Variants in ROR1 observed in about 807,000 individuals in gnomAD.
ROR1 encodes the protein ROR family WNT receptor 1.
In ROR1, 19 loss-of-function variants were observed where a neutral mutation model predicts 78.8. The observed-to-expected ratio is 0.24, with a 90% CI of 0.17 to 0.35. The LOEUF (loss-of-function observed/expected upper bound fraction) is 0.35. Among genes scored for constraint, ROR1 ranks in the 10% least tolerant of loss-of-function variants. The pLI is 1.00. For synonymous variants in ROR1, 386 were observed against 433.6 expected (o/e 0.89, Z 1.36); for missense variants, 917 against 1,177.8 (o/e 0.78, Z 3.24).
chr1:63,957,550 G>T (rs1209663595), intron 1 of ROR1, among the ~76,000 whole-genome samples: 1 of 152,120 alleles, frequency 6.6e-6, no homozygotes, highest in African/African-American at 2.4e-5. Flanking sequence ...TTCCCTGAGG[G>T]AGTGGGAGAG....
At chr1:63,926,496 T>A (rs1645705468) in intron 1 of ROR1, among the ~76,000 whole-genome samples, 2 of 151,794 alleles carry the variant, frequency 1.3e-5, no homozygotes, top group South Asian at 4.2e-4. Flanking sequence ...ATGCGGGCTC[T>A]TTTTTGGTTC....
intron 2 of ROR1, among the ~76,000 whole-genome samples, chr1:64,014,589 T>C (rs904713060): frequency 1.4e-5 from 2 of 148,092 alleles, no homozygotes; most frequent in Non-Finnish European, 3.0e-5. Flanking sequence ...AGCCAAATGT[T>C]TCTTTTGGAG....
At chr1:64,116,679 T>C (rs1648326622) in intron 4 of ROR1, among the ~76,000 whole-genome samples, 1 of 152,178 alleles carries the variant, frequency 6.6e-6, no homozygotes, top group African/African-American at 2.4e-5. Flanking sequence ...AAGGGCGTTT[T>C]AAATGTATAA....
chr1:63,972,380 T>G (rs542746448), intron 1 of ROR1, among the ~76,000 whole-genome samples: 1 of 152,164 alleles, frequency 6.6e-6, no homozygotes, highest in Non-Finnish European at 1.5e-5. Context: ...TTGGTGCATT[T>G]TTTCTCTGCC....
At chr1:64,071,516 G>C (rs1483460716) in intron 4 of ROR1, among the ~76,000 whole-genome samples, 1 of 151,936 alleles carries the variant, frequency 6.6e-6, no homozygotes, top group African/African-American at 2.4e-5. Context: ...TAACTGCTTA[G>C]AACAGAGGCG....
At chr1:64,054,527 C>T (rs916326890) in intron 4 of ROR1, among the ~76,000 whole-genome samples, 3 of 152,048 alleles carry the variant, frequency 2.0e-5, no homozygotes, top group Admixed American at 6.6e-5. Flanking sequence ...CAATAAAATT[C>T]CTAAAGTGAT....
At position 63,786,256 on chromosome 1, in the gene ROR1, ATTTTTTTTTTTTT is replaced by A. The variant is rs34933492; in HGVS notation, c.91+11770_91+11782del. Among the ~76,000 whole-genome samples the A allele has an allele frequency of 4.4e-4, 30 of 67,510 alleles. 1 individual carries two copies. Among genetic ancestry groups the A allele is most frequent in the East Asian group, 2.2e-3 (4 of 1,858 alleles). 44.3% of individuals were successfully genotyped at this position (67,510 alleles called of 152,430 possible). The stretch of plus-strand genomic sequence containing the variant: ...CCCCCCTTACGCTGGCTACAACTTG[ATTTTTTTTTTTTT>A]TTTTTTTTTTTTTTTTTTTTTGAGA... On this transcript the variant is annotated intron_variant, in intron 1 of 8. Transcript: ENST00000371079.
chr1:64,175,245 CTT>C (rs1018110257), intron 8 of ROR1, among the ~76,000 whole-genome samples: 4 of 151,848 alleles, frequency 2.6e-5, no homozygotes, highest in African/African-American at 9.7e-5. Flanking sequence ...TTCATGTGTT[CTT>C]TTTCTCCTTC....
intron 1 of ROR1, among the ~76,000 whole-genome samples, chr1:63,791,675 G>A (rs895170519): frequency 6.6e-6 from 1 of 152,084 alleles, no homozygotes; most frequent in Non-Finnish European, 1.5e-5. Flanking sequence ...ACCTTACCTA[G>A]CATCTGTCTT....
chr1:63,977,905 A>G (rs1390947930), intron 1 of ROR1, among the ~76,000 whole-genome samples: 1 of 152,182 alleles, frequency 6.6e-6, no homozygotes, highest in African/African-American at 2.4e-5. Flanking sequence ...TCTATTCCAT[A>G]TCTTAGATCT....
At chr1:63,925,201 C>T (rs1451164757) in intron 1 of ROR1, among the ~76,000 whole-genome samples, 3 of 133,814 alleles carry the variant, frequency 2.2e-5, no homozygotes, top group African/African-American at 8.5e-5. Flanking sequence ...GTGTGATATT[C>T]CCCTTCCTGT....
chr1:63,893,398 T>A (rs1180841876), intron 1 of ROR1, among the ~76,000 whole-genome samples: 1 of 152,060 alleles, frequency 6.6e-6, no homozygotes, highest in Non-Finnish European at 1.5e-5. Flanking sequence ...AGATAGAGAC[T>A]GGGATAAAAG....
intron 1 of ROR1, among the ~76,000 whole-genome samples, chr1:63,823,332 G>A (rs1027743536): frequency 5.3e-5 from 8 of 151,322 alleles, no homozygotes; most frequent in Non-Finnish European, 1.0e-4. Context: ...TCCATCCATC[G>A]ATTTATATGT....
At chr1:64,175,592 A>C (rs1650358918) in intron 8 of ROR1, among the ~76,000 whole-genome samples, 1 of 152,246 alleles carries the variant, frequency 6.6e-6, no homozygotes, top group Non-Finnish European at 1.5e-5. Context: ...TTCCAAATAT[A>C]AACCTCACAA....
intron 1 of ROR1, among the ~76,000 whole-genome samples, chr1:64,005,879 TG>T (rs537264745): frequency 1.3e-5 from 2 of 152,142 alleles, no homozygotes; most frequent in Non-Finnish European, 2.9e-5. Flanking sequence ...GCTGAACACG[TG>T]GTTATCTAAA....
At chr1:63,910,341 C>G (rs1310005179) in intron 1 of ROR1, among the ~76,000 whole-genome samples, 1 of 152,112 alleles carries the variant, frequency 6.6e-6, no homozygotes, top group African/African-American at 2.4e-5. Flanking sequence ...GTACAATGGA[C>G]ATTGTTCAGG....
intron 2 of ROR1, among the ~76,000 whole-genome samples, chr1:64,034,215 C>G (rs1307359522): frequency 6.7e-6 from 1 of 149,416 alleles, no homozygotes; most frequent in African/African-American, 2.5e-5. Context: ...CTGAGACTTA[C>G]TGTAAATCAC....
chr1:63,789,739 TTA>T (rs974698451), intron 1 of ROR1, among the ~76,000 whole-genome samples: 2 of 151,692 alleles, frequency 1.3e-5, no homozygotes, highest in Admixed American at 6.6e-5. Context: ...GATTACTTAT[TTA>T]TATGTTTGTC....
At chr1:64,109,865 G>A (rs1428307640) in intron 4 of ROR1, among the ~76,000 whole-genome samples, 1 of 152,054 alleles carries the variant, frequency 6.6e-6, no homozygotes. Context: ...AGGGTGGGAT[G>A]GGCAGGAATT....
Sources: gnomAD v4.1 joint callset for allele counts (sites outside exome capture counted in the v4.1 genomes callset) on GRCh38, gnomAD v4.1.1 for gene constraint, MANE v1.5 for transcripts, NCBI Gene and HGNC (gene_info 2026-07-23, HGNC 2026-07-21) for gene names.